The following SH3RF2 variants were observed in gnomAD, a reference collection of about 807,000 sequenced individuals.
SH3RF2 encodes SH3 domain containing ring finger 2, also known as E3 ubiquitin-protein ligase SH3RF2.
In SH3RF2, 43 loss-of-function variants were observed where a neutral mutation model predicts 59.0. The ratio of observed to expected loss-of-function variants is 0.73; its 90% confidence interval spans 0.57 to 0.94. The LOEUF (loss-of-function observed/expected upper bound fraction) is 0.94. Among genes scored for constraint, SH3RF2 ranks in the 40% least tolerant of loss-of-function variants. The probability of loss-of-function intolerance (pLI) is 0.00; values close to 1 mark genes in which losing one functional copy is unlikely to be tolerated. For missense variants in SH3RF2, 930 were observed against 940.1 expected (o/e 0.99, Z 0.14); for synonymous variants, 391 against 391.5 (o/e 1.00, Z 0.01).
chr5:145,978,492 T>C (rs1759383318), intron 2 of SH3RF2, among the ~76,000 whole-genome samples: 1 of 152,144 alleles, frequency 6.6e-6, no homozygotes, highest in Non-Finnish European at 1.5e-5. Context: ...CCCATCTAAG[T>C]GTTTTTGAAA....
intron 2 of SH3RF2, among the ~76,000 whole-genome samples, chr5:145,978,542 G>T (rs984391041): frequency 2.0e-5 from 3 of 152,134 alleles, no homozygotes; most frequent in Non-Finnish European, 4.4e-5. Flanking sequence ...TTAGCAAGTT[G>T]TACTTCCAAA....
At chr5:145,983,719 C>T (rs1759593799) in intron 2 of SH3RF2, among the ~76,000 whole-genome samples, 1 of 152,146 alleles carries the variant, frequency 6.6e-6, no homozygotes, top group Admixed American at 6.5e-5. Flanking sequence ...CACTTTTTGT[C>T]ACTCATCATG....
chr5:146,074,773 C>T (rs1035915489), intron 9 of SH3RF2, among the ~76,000 whole-genome samples: 5 of 148,536 alleles, frequency 3.4e-5, no homozygotes, highest in African/African-American at 9.9e-5. Context: ...AGCCCTCTGC[C>T]CTCTCTCTCT....
intron 2 of SH3RF2, among the ~76,000 whole-genome samples, chr5:145,992,544 A>G (rs1409271343): frequency 6.6e-6 from 1 of 152,212 alleles, no homozygotes; most frequent in African/African-American, 2.4e-5. Context: ...CAAAAGAAAA[A>G]GGTTTAATTG....
intron 5 of SH3RF2, among the ~76,000 whole-genome samples, chr5:146,028,850 C>T (rs1173708019): frequency 6.6e-6 from 1 of 152,186 alleles, no homozygotes; most frequent in Non-Finnish European, 1.5e-5. Context: ...ACACTTCCCA[C>T]AGGTAGGATG....
At chr5:146,036,949 C>T (rs867338222) in intron 5 of SH3RF2, among the ~76,000 whole-genome samples, 3 of 152,194 alleles carry the variant, frequency 2.0e-5, no homozygotes, top group Middle Eastern at 3.2e-3. Flanking sequence ...GGCTAAGCCA[C>T]CCCTCACTGG....
At chr5:146,020,314 G>T (rs1761268132) in intron 5 of SH3RF2, among the ~76,000 whole-genome samples, 1 of 152,162 alleles carries the variant, frequency 6.6e-6, no homozygotes, top group Admixed American at 6.5e-5. Context: ...ACACATAAAA[G>T]TACGGTGTGT....
chr5:145,966,157 C>T (rs1758848658), intron 2 of SH3RF2, among the ~76,000 whole-genome samples: 1 of 152,144 alleles, frequency 6.6e-6, no homozygotes, highest in Non-Finnish European at 1.5e-5. Flanking sequence ...AAGATGAAAC[C>T]AGGAGCAGTC....
intron 5 of SH3RF2, among the ~76,000 whole-genome samples, chr5:146,015,015 A>G (rs1435557472): frequency 3.3e-5 from 5 of 152,164 alleles, no homozygotes; most frequent in Non-Finnish European, 5.9e-5. Context: ...TGCAGGTGGC[A>G]ACTTGAAAGG....
Position 146,047,806 on chromosome 5 carries a change from G to A in SH3RF2, c.1094G>A (p.Gly365Glu). 2 of 1,614,082 alleles carry A rather than the reference G, an allele frequency of 1.2e-6. No homozygotes were observed. The highest frequency in any genetic ancestry group is 1.7e-6 in the Non-Finnish European group (2 of 1,180,036). Residue 365 changes from glycine to glutamate, a missense_variant, in exon 6 of 10, where the codon GGA becomes GAA. By Grantham distance (98) the Gly-to-Glu change is moderately conservative (BLOSUM62 -2). Coordinates refer to ENST00000359120, the MANE Select transcript of SH3RF2 (RefSeq NM_152550.4). ...STYHPAPVSP[G>E]HSTAVVSLPG... ...TATCACCCCGCACCTGTCTCTCCAG[G>A]ACATTCCACAGCCGTGGTCAGTCTG...
downstream of SH3RF2, among the ~76,000 whole-genome samples, chr5:146,066,719 A>G (rs1220530604): frequency 6.6e-6 from 1 of 152,214 alleles, no homozygotes; most frequent in Non-Finnish European, 1.5e-5. Flanking sequence ...TAAATGTAGC[A>G]ATGGACCCAA....
chr5:145,973,761 G>A (rs563503943), intron 2 of SH3RF2, among the ~76,000 whole-genome samples: 3 of 152,220 alleles, frequency 2.0e-5, no homozygotes, highest in African/African-American at 4.8e-5. Flanking sequence ...TATGGAAGTC[G>A]TTCTACTGCA....
chr5:146,037,475 T>TG (rs569991526), intron 5 of SH3RF2, among the ~76,000 whole-genome samples: 3 of 152,112 alleles, frequency 2.0e-5, no homozygotes, highest in Non-Finnish European at 2.9e-5. Context: ...TGATGATGTA[T>TG]GGGGGGTCCG....
chr5:146,062,293 C>A, intron 9 of SH3RF2, 133 bp from the exon 10 acceptor site: 1 of 1,131,434 alleles, frequency 8.8e-7, no homozygotes, highest in Non-Finnish European at 1.3e-6. Context: ...CCCATCTTAG[C>A]ACTTGACACT....
chr5:146,024,371 T>C (rs142505644), intron 5 of SH3RF2, among the ~76,000 whole-genome samples: 429 of 152,364 alleles, frequency 2.8e-3, no homozygotes, highest in African/African-American at 8.9e-3. Flanking sequence ...GCATGTGTTC[T>C]TTGGAGAACT....
At chr5:145,967,192 T>A (rs115415399) in intron 2 of SH3RF2, among the ~76,000 whole-genome samples, 322 of 152,308 alleles carry the variant, frequency 2.1e-3, no homozygotes, top group Non-Finnish European at 2.6e-3. Context: ...AGTTACCGTT[T>A]GGGCAACTGC....
intron 5 of SH3RF2, among the ~76,000 whole-genome samples, chr5:146,017,583 A>G (rs934697556): frequency 2.0e-4 from 30 of 151,926 alleles, no homozygotes; most frequent in African/African-American, 6.8e-4. Flanking sequence ...CTACTCCTTA[A>G]GCCTCCCTCC....
chr5:145,969,735 T>TA (rs779217640), intron 2 of SH3RF2, among the ~76,000 whole-genome samples: 3,355 of 141,412 alleles, frequency 0.024, 60 homozygotes, highest in Non-Finnish European at 0.036. Context: ...ACACTCTTTC[T>TA]AAAAAAAAAA....
At chr5:145,943,247 C>T (rs1306307364) in intron 2 of SH3RF2, among the ~76,000 whole-genome samples, 1 of 145,090 alleles carries the variant, frequency 6.9e-6, no homozygotes, top group Non-Finnish European at 1.5e-5. Context: ...AAAAAAGGAA[C>T]CAAAGAGTAC....
Sources: allele counts gnomAD v4.1 joint callset (sites outside exome capture counted in the v4.1 genomes callset), GRCh38; gene constraint gnomAD v4.1.1; transcripts MANE v1.5; gene names NCBI Gene and HGNC (gene_info 2026-07-23, HGNC 2026-07-21).